STK33: variants seen among roughly 807,000 people sequenced by gnomAD.
STK33 encodes the protein serine/threonine-protein kinase 33.
In STK33, 52 loss-of-function variants were observed where a neutral mutation model predicts 58.0. The ratio of observed to expected loss-of-function variants is 0.90; its 90% CI spans 0.72 to 1.13. The LOEUF (loss-of-function observed/expected upper bound fraction) is 1.13. Among genes scored for constraint, STK33 ranks in the 50% most tolerant of loss-of-function variants. STK33 has a pLI of 0.00. For missense variants in STK33, 630 were observed against 604.2 expected (o/e 1.04, Z -0.45); for synonymous variants, 215 against 200.1 (o/e 1.07, Z -0.63).
the STK33 span, among the ~76,000 whole-genome samples, chr11:8,364,227 C>T: frequency 6.6e-6 from 1 of 152,212 alleles, no homozygotes; most frequent in Admixed American, 6.5e-5. Flanking sequence ...CGTCGGTGGA[C>T]GTTCCCAGTC....
intron 15 of STK33, among the ~76,000 whole-genome samples, chr11:8,406,957 T>C (rs1349285877): frequency 6.7e-6 from 1 of 148,252 alleles, no homozygotes; most frequent in African/African-American, 2.5e-5. Context: ...CCATTAAGAA[T>C]GATACTAATT....
chr11:8,440,727 A>T lies in STK33; in HGVS notation c.898T>A (p.Tyr300Asn). The T allele has an allele frequency of 2.5e-6, 4 of 1,570,550 alleles. No individual in the cohort carries two copies. Among genetic ancestry groups the T allele is most frequent in the Non-Finnish European group, 3.5e-6 (4 of 1,155,684 alleles). The part of the protein sequence containing the change: ...MAPEVISAHD[Y>N]SQQCDIWSIG... Reference sequence around the variant, plus strand: ...CTCCAAATGTCACACTGCTGGCTATAGTCGTGGGCACTGATAACTTCAGGG... The same window carrying T: ...CTCCAAATGTCACACTGCTGGCTATTGTCGTGGGCACTGATAACTTCAGGG... Residue 300 changes from tyrosine to asparagine, a missense_variant, in exon 12 of 16, where the codon TAT becomes AAT. Transcript: ENST00000687296.
chr11:8,432,940 C>G (rs12363733), intron 14 of STK33, among the ~76,000 whole-genome samples: 24,604 of 152,090 alleles, frequency 0.16, 2,582 homozygotes, highest in East Asian at 0.33. Context: ...AAAATGGAGA[C>G]TACTAGAAAA....
chr11:8,519,612 G>T (rs1239151351), intron 1 of STK33, among the ~76,000 whole-genome samples: 1 of 151,994 alleles, frequency 6.6e-6, no homozygotes, highest in African/African-American at 2.4e-5. Context: ...TAATAAAGAA[G>T]AAAACAGAGA....
chr11:8,349,780 A>C, the STK33 span, among the ~76,000 whole-genome samples: 3 of 152,178 alleles, frequency 2.0e-5, no homozygotes, highest in Admixed American at 6.5e-5. Flanking sequence ...GAGGGGACTG[A>C]AACTGTCTGG....
intron 15 of STK33, among the ~76,000 whole-genome samples, chr11:8,394,268 T>C (rs934312814): frequency 6.6e-6 from 1 of 152,220 alleles, no homozygotes; most frequent in African/African-American, 2.4e-5. Flanking sequence ...GAGAACAAGT[T>C]GCTTTGTTTA....
At chr11:8,436,944 T>C (rs1944147031) in intron 12 of STK33, among the ~76,000 whole-genome samples, 1 of 152,204 alleles carries the variant, frequency 6.6e-6, no homozygotes, top group Non-Finnish European at 1.5e-5. Context: ...GTTATCCACC[T>C]GCCTTGGCCT....
At chr11:8,526,454 A>G (rs1954032106) in intron 1 of STK33, among the ~76,000 whole-genome samples, 2 of 152,062 alleles carry the variant, frequency 1.3e-5, no homozygotes, top group Admixed American at 6.6e-5. Flanking sequence ...ATTATCTATT[A>G]TCTATTAAAG....
chr11:8,354,835 C>A, the STK33 span, among the ~76,000 whole-genome samples: 1 of 152,120 alleles, frequency 6.6e-6, no homozygotes. Flanking sequence ...AGGTGGGTTG[C>A]TGGCTGGGCG....
intron 1 of STK33, among the ~76,000 whole-genome samples, chr11:8,559,711 T>A (rs1397558455): frequency 6.6e-6 from 1 of 152,170 alleles, no homozygotes; most frequent in African/African-American, 2.4e-5. Context: ...CAGAAAATAA[T>A]TGCTGTAATA....
chr11:8,389,328 C>T (rs572650644), downstream of STK33, among the ~76,000 whole-genome samples: 1 of 152,332 alleles, frequency 6.6e-6, no homozygotes, highest in South Asian at 2.1e-4. Flanking sequence ...CCTGGCTCTC[C>T]CCTTCTCTCA....
chr11:8,374,782 G>C, the STK33 span, among the ~76,000 whole-genome samples: 1 of 152,150 alleles, frequency 6.6e-6, no homozygotes, highest in African/African-American at 2.4e-5. Flanking sequence ...ACTGCAAACA[G>C]AGTGTTTCAA....
chr11:8,380,659 T>C, the STK33 span, among the ~76,000 whole-genome samples: 1 of 151,994 alleles, frequency 6.6e-6, no homozygotes, highest in African/African-American at 2.4e-5. Context: ...TGTAAATTAG[T>C]ACGGCCCCTA....
chr11:8,512,434 G>A (rs1212112313), intron 1 of STK33, among the ~76,000 whole-genome samples: 1 of 152,116 alleles, frequency 6.6e-6, no homozygotes, highest in Non-Finnish European at 1.5e-5. Context: ...AAAGAAGGGA[G>A]AGATGATCTC....
At chr11:8,382,203 C>A in the STK33 span, among the ~76,000 whole-genome samples, 1 of 152,230 alleles carries the variant, frequency 6.6e-6, no homozygotes, top group East Asian at 1.9e-4. Context: ...CTGTGTCACG[C>A]TACATTGGGG....
intron 1 of STK33, among the ~76,000 whole-genome samples, chr11:8,563,147 G>A (rs1957227659): frequency 6.6e-6 from 1 of 152,118 alleles, no homozygotes; most frequent in African/African-American, 2.4e-5. Context: ...CTGTATCTGG[G>A]TAAGTAGGGC....
At position 8,482,168 on chromosome 11, in the gene STK33, A is replaced by G. The variant is rs1018774593; in HGVS notation, c.-465-1554T>C. Among the ~76,000 whole-genome samples the G allele has an allele frequency of 2.0e-5, 3 of 152,202 alleles. No individual in the cohort carries two copies. The East Asian group carries it at 5.8e-4, about 29-fold the overall frequency. On this transcript the variant is annotated intron_variant, in intron 1 of 15. Transcript: ENST00000687296. ...CACAGCACACAAATCCCAGACTCGT[A>G]GCCAGAACAAAAGCATTTAGAATGT...
intron 1 of STK33, among the ~76,000 whole-genome samples, chr11:8,494,679 T>C (rs150188005): frequency 0.014 from 2,140 of 152,274 alleles, 30 homozygotes; most frequent in Non-Finnish European, 0.021. Flanking sequence ...GGCATCACAC[T>C]ACCTGACTTC....
chr11:8,436,181 T>G (rs1349779690), intron 12 of STK33, 42 bp from the exon 13 acceptor site: 1 of 1,199,098 alleles, frequency 8.3e-7, no homozygotes, highest in Admixed American at 2.4e-5. Context: ...TTTTAAATAA[T>G]AAAAATAAGC....
Sources: allele counts gnomAD v4.1 joint callset (sites outside exome capture counted in the v4.1 genomes callset), GRCh38; gene constraint gnomAD v4.1.1; transcripts MANE v1.5; gene names NCBI Gene and HGNC (gene_info 2026-07-23, HGNC 2026-07-21).